Variants in DYRK1A observed in about 807,000 individuals in gnomAD.
DYRK1A encodes dual specificity tyrosine phosphorylation regulated kinase 1A.
DYRK1A carries 9 observed loss-of-function variants against 79.7 expected under a neutral mutation model. That is an observed-to-expected ratio of 0.11 (90% CI 0.07 to 0.20). The LOEUF (loss-of-function observed/expected upper bound fraction) is 0.20, where lower values mean the gene tolerates loss of function less well. Ranked by LOEUF, DYRK1A falls within the 10% of genes least tolerant of loss-of-function variation. The pLI, the probability that DYRK1A is intolerant of heterozygous loss-of-function variation, is 1.00. For synonymous variants in DYRK1A, 349 were observed against 329.7 expected, an observed-to-expected ratio of 1.06 and a Z score of -0.63; for missense variants, 622 against 956.0, an observed-to-expected ratio of 0.65 and a Z score of 4.61.
At chr21:37,407,137 A>C (rs558536023) in intron 1 of DYRK1A, among the ~76,000 whole-genome samples, 24 of 152,232 alleles carry the variant, frequency 1.6e-4, no homozygotes, top group African/African-American at 5.8e-4. Context: ...GGTATCCCTA[A>C]TTCGAAGTGT....
intron 1 of DYRK1A, among the ~76,000 whole-genome samples, chr21:37,374,584 G>C (rs912562428): frequency 2.0e-5 from 3 of 151,462 alleles, no homozygotes; most frequent in Non-Finnish European, 2.9e-5. Flanking sequence ...ACAGAGTCTC[G>C]CTCTGTCGCC....
Position 37,521,827 on chromosome 21 carries a change from T to A in DYRK1A, c.*9296T>A, listed in dbSNP as rs2148676133. On this transcript the variant is annotated 3_prime_UTR_variant, in exon 12 of 12. Coordinates refer to ENST00000647188, the MANE Select transcript of DYRK1A (RefSeq NM_001347721.2). ...GAGCTGACAGACCTCGGGGACTGAATGGATGCTGGGAGTAGGGGTGAAAAG... is the reference window on the plus strand; with the variant it reads ...GAGCTGACAGACCTCGGGGACTGAAAGGATGCTGGGAGTAGGGGTGAAAAG... 1 of 152,372 alleles carries A rather than the reference T, an allele frequency of 6.6e-6. No homozygotes were observed. Among genetic ancestry groups the A allele is most frequent in the East Asian group, 1.9e-4 (1 of 5,170 alleles). The allele number at this position is 152,372 out of a possible 1,614,324, so 9.4% of individuals were successfully genotyped here. A position where few individuals can be genotyped will look rare whatever the true frequency, so the allele number is the denominator to read the frequency against.
chr21:37,377,557 C>T (rs2049571884), intron 1 of DYRK1A, among the ~76,000 whole-genome samples: 1 of 152,168 alleles, frequency 6.6e-6, no homozygotes, highest in African/African-American at 2.4e-5. Flanking sequence ...CAGCCTTGAC[C>T]TCCTGGGTTC....
chr21:37,480,936 C>G (rs2052618004), intron 5 of DYRK1A, 110 bp downstream of exon 5: 4 of 808,148 alleles, frequency 4.9e-6, no homozygotes, highest in Admixed American at 3.1e-5. Flanking sequence ...GCAAATAGAG[C>G]TCAGCAATGG....
At chr21:37,464,221 A>G in intron 2 of DYRK1A, 1 of 454,518 alleles carries the variant, frequency 2.2e-6, no homozygotes. Context: ...TTTGAATCTT[A>G]TGTCCCAGTC....
chr21:37,398,405 G>C (rs1312768084), intron 1 of DYRK1A, among the ~76,000 whole-genome samples: 1 of 151,648 alleles, frequency 6.6e-6, no homozygotes, highest in Admixed American at 6.6e-5. Context: ...TGTTTGGCAA[G>C]ATTTTGTGTA....
intron 7 of DYRK1A, among the ~76,000 whole-genome samples, chr21:37,491,782 C>T (rs2053104026): frequency 6.6e-6 from 1 of 152,142 alleles, no homozygotes. Flanking sequence ...GGGAAAATTT[C>T]CCCCTATTTA....
intron 11 of DYRK1A, among the ~76,000 whole-genome samples, chr21:37,509,097 A>T (rs1159291083): frequency 6.6e-6 from 1 of 152,272 alleles, no homozygotes; most frequent in Admixed American, 6.5e-5. Flanking sequence ...AAGTAAATAT[A>T]AAAGGGAATT....
chr21:37,378,388 C>T (rs948323450), intron 1 of DYRK1A, among the ~76,000 whole-genome samples: 6 of 152,086 alleles, frequency 3.9e-5, no homozygotes, highest in African/African-American at 9.7e-5. Context: ...CAAAATCAGC[C>T]GGGTGTGGTG....
At chr21:37,459,083 A>T (rs752562111) in intron 2 of DYRK1A, among the ~76,000 whole-genome samples, 32 of 152,214 alleles carry the variant, frequency 2.1e-4, no homozygotes, top group Non-Finnish European at 4.3e-4. Context: ...TCTGACAACT[A>T]CTATAATAGT....
chr21:37,501,878 CT>C (rs2053461294), intron 9 of DYRK1A: 1 of 152,146 alleles, frequency 6.6e-6, no homozygotes, highest in South Asian at 2.1e-4. Context: ...CTTAGACTCC[CT>C]TTGTAACATT....
At chr21:37,441,164 T>G (rs1052541808) in intron 2 of DYRK1A, among the ~76,000 whole-genome samples, 3 of 152,204 alleles carry the variant, frequency 2.0e-5, no homozygotes, top group Admixed American at 1.3e-4. Context: ...TCTCGTGATA[T>G]TCTTCAGACT....
intron 2 of DYRK1A, among the ~76,000 whole-genome samples, chr21:37,463,821 C>T (rs1311333646): frequency 6.6e-6 from 1 of 152,196 alleles, no homozygotes; most frequent in Non-Finnish European, 1.5e-5. Flanking sequence ...TTTTTGCCCA[C>T]ATAAGCTTGG....
In DYRK1A at chr21:37,516,532, G is replaced by A. The variant is rs562360127; in HGVS notation, c.*4001G>A. On this transcript the variant is annotated 3_prime_UTR_variant, in exon 12 of 12. Transcript: ENST00000647188. ...CTTATTTGTTATCCTCCCTTTTAAT[G>A]ACTAACCTTAATCCAAATGAATCCA... 3.9e-5 allele frequency: 6 copies of A among 152,324 alleles called. No individual in the cohort carries two copies. The highest frequency in any genetic ancestry group is 2.1e-4 in the South Asian group (1 of 4,820). 9.4% of individuals were successfully genotyped at this position (152,324 alleles called of 1,614,324 possible).
At chr21:37,459,481 C>T (rs2051765557) in intron 2 of DYRK1A, among the ~76,000 whole-genome samples, 1 of 152,124 alleles carries the variant, frequency 6.6e-6, no homozygotes, top group Non-Finnish European at 1.5e-5. Context: ...GTAATCATCA[C>T]TGTCCTGTGT....
chr21:37,511,926 C>T lies in DYRK1A; in HGVS notation c.1660C>T (p.Pro554Ser). 6.2e-7 allele frequency: 1 copy of T among 1,611,652 alleles called. No individual in the cohort carries two copies. The highest frequency in any genetic ancestry group is 8.5e-7 in the Non-Finnish European group (1 of 1,177,870). ...GTTCTTTCAGGTGCGTCAGCAATTT[C>T]CTGCTCCTCTTGGTTGGTCAGGCAC... Reference protein sequence around the residue: ...THSPQVRQQFPAPLGWSGTEA... With the variant: ...THSPQVRQQFSAPLGWSGTEA... The change falls in exon 12 of 12, where the codon CCT becomes TCT. Residue 554 changes from proline (P) to serine (S), a missense_variant. Around this residue, in one of 5 missense-constraint regions of DYRK1A, gnomAD observed 292 missense variants for 316.7 expected, o/e 0.92. Coordinates refer to ENST00000647188, the MANE Select transcript of DYRK1A (RefSeq NM_001347721.2).
chr21:37,414,179 T>G (rs1265313910), intron 1 of DYRK1A, among the ~76,000 whole-genome samples: 1 of 152,130 alleles, frequency 6.6e-6, no homozygotes, highest in Admixed American at 6.6e-5. Context: ...CTTGGGAGAT[T>G]GGGCTGATGG....
chr21:37,476,818 T>TTCCCCCC (rs1555978497), intron 3 of DYRK1A, among the ~76,000 whole-genome samples: 2 of 78,146 alleles, frequency 2.6e-5, no homozygotes, highest in African/African-American at 5.2e-5. Flanking sequence ...CACCAAGGGT[T>TTCCCCCC]CCCCCCCCCC....
intron 1 of DYRK1A, among the ~76,000 whole-genome samples, chr21:37,370,166 T>C (rs2049401772): frequency 6.6e-6 from 1 of 152,224 alleles, no homozygotes; most frequent in Middle Eastern, 3.2e-3. Context: ...TATGACTATC[T>C]GCAAAAGGAA....
Sources: allele counts gnomAD v4.1 joint callset (sites outside exome capture counted in the v4.1 genomes callset), GRCh38; gene constraint gnomAD v4.1.1; regional missense constraint gnomAD v4.1.1; transcripts MANE v1.5; gene names NCBI Gene and HGNC (gene_info 2026-07-23, HGNC 2026-07-21).